The following ASIC2 variants were observed in gnomAD, a reference collection of about 807,000 sequenced individuals.
ASIC2 encodes the protein acid-sensing ion channel 2.
Under a neutral mutation model 57.3 loss-of-function variants are expected in ASIC2, and 25 were observed. The observed-to-expected ratio is 0.44, with a 90% CI of 0.32 to 0.61. The LOEUF (loss-of-function observed/expected upper bound fraction) is 0.61. Among genes scored for constraint, ASIC2 ranks in the 20% least tolerant of loss-of-function variants. The pLI, the probability that ASIC2 is intolerant of heterozygous loss-of-function variation, is 0.06. For synonymous variants in ASIC2, 319 were observed against 307.5 expected (o/e 1.04, Z -0.39); for missense variants, 641 against 738.1 (o/e 0.87, Z 1.52).
At chr17:33,546,535 T>C (rs886726484) in intron 1 of ASIC2, among the ~76,000 whole-genome samples, 1 of 152,194 alleles carries the variant, frequency 6.6e-6, no homozygotes, top group African/African-American at 2.4e-5. Flanking sequence ...ACTTTCTACC[T>C]ATGCGACCTT....
intron 1 of ASIC2, among the ~76,000 whole-genome samples, chr17:33,796,042 A>G (rs1380612972): frequency 6.6e-6 from 1 of 152,184 alleles, no homozygotes; most frequent in Non-Finnish European, 1.5e-5. Flanking sequence ...TTTACTGTAA[A>G]TCTCCATGAC....
At chr17:33,720,105 C>T (rs1048710740) in intron 1 of ASIC2, among the ~76,000 whole-genome samples, 3 of 152,134 alleles carry the variant, frequency 2.0e-5, no homozygotes, top group African/African-American at 7.2e-5. Context: ...GTCTCAAACT[C>T]CTGGCCTCAA....
intron 1 of ASIC2, among the ~76,000 whole-genome samples, chr17:33,362,380 G>C (rs1052544391): frequency 1.3e-5 from 2 of 152,346 alleles, no homozygotes; most frequent in South Asian, 4.1e-4. Context: ...TGGTGACACT[G>C]TAATACAGTC....
At chr17:33,842,322 AAG>A (rs1913463553) in intron 1 of ASIC2, among the ~76,000 whole-genome samples, 1 of 152,152 alleles carries the variant, frequency 6.6e-6, no homozygotes, top group South Asian at 2.1e-4. Context: ...TCTCATAGAC[AAG>A]ACATGGGTCT....
At chr17:33,018,244 G>A (rs540555656) in intron 7 of ASIC2, among the ~76,000 whole-genome samples, 1 of 152,320 alleles carries the variant, frequency 6.6e-6, no homozygotes, top group African/African-American at 2.4e-5. Context: ...GGGGTTTATA[G>A]GCCCCCATTA....
chr17:33,297,349 G>A (rs1362635391), upstream of ASIC2, among the ~76,000 whole-genome samples: 1 of 152,126 alleles, frequency 6.6e-6, no homozygotes, highest in Admixed American at 6.6e-5. Flanking sequence ...TCTAGCTCCT[G>A]ATATTTCTGC....
chr17:33,837,566 A>G (rs1913310302), intron 1 of ASIC2, among the ~76,000 whole-genome samples: 1 of 152,174 alleles, frequency 6.6e-6, no homozygotes, highest in African/African-American at 2.4e-5. Flanking sequence ...AGTGCTTCTC[A>G]TATTACACTC....
intron 1 of ASIC2, among the ~76,000 whole-genome samples, chr17:33,961,255 G>A (rs996012561): frequency 2.4e-4 from 36 of 152,200 alleles, no homozygotes; most frequent in Non-Finnish European, 7.3e-5. Context: ...TGCAGCTATT[G>A]GCAGGGGCAG....
chr17:34,027,570 C>T (rs1160598225), intron 1 of ASIC2, among the ~76,000 whole-genome samples: 1 of 152,220 alleles, frequency 6.6e-6, no homozygotes, highest in Admixed American at 6.5e-5. Flanking sequence ...TAGTTGCATA[C>T]TATTTCAGTT....
chr17:33,882,573 A>G (rs976618218), intron 1 of ASIC2, among the ~76,000 whole-genome samples: 2 of 152,236 alleles, frequency 1.3e-5, no homozygotes, highest in African/African-American at 2.4e-5. Flanking sequence ...ACCATCTCAC[A>G]CCAGTTAGAA....
intron 1 of ASIC2, among the ~76,000 whole-genome samples, chr17:33,281,476 A>G (rs1405204373): frequency 6.6e-6 from 1 of 152,262 alleles, no homozygotes; most frequent in Non-Finnish European, 1.5e-5. Context: ...TATTTACACT[A>G]AACATTTATC....
At chr17:33,456,122 T>G (rs1912444660) in intron 1 of ASIC2, among the ~76,000 whole-genome samples, 1 of 152,180 alleles carries the variant, frequency 6.6e-6, no homozygotes, top group Admixed American at 6.5e-5. Context: ...ATGTTTTCCT[T>G]GAATTGATTT....
chr17:33,556,692 G>A (rs894143794), intron 1 of ASIC2, among the ~76,000 whole-genome samples: 1 of 152,158 alleles, frequency 6.6e-6, no homozygotes, highest in African/African-American at 2.4e-5. Flanking sequence ...TCATCTTTGA[G>A]GGAAGAACTT....
At chr17:33,804,199 ACATTAGGAATATATTTACC>A (rs1295655491) in intron 1 of ASIC2, among the ~76,000 whole-genome samples, 3 of 152,220 alleles carry the variant, frequency 2.0e-5, no homozygotes, top group Non-Finnish European at 4.4e-5. Context: ...GCTCTGCTTC[ACATTAGGAATATATTTACC>A]CATTTAATAA....
chr17:33,939,988 T>A (rs1413663122), intron 1 of ASIC2, among the ~76,000 whole-genome samples: 1 of 152,084 alleles, frequency 6.6e-6, no homozygotes, highest in Admixed American at 6.6e-5. Flanking sequence ...TGGATGTGAA[T>A]AATGGCAGGG....
chr17:33,018,844 G>T (rs1308089104), intron 7 of ASIC2, among the ~76,000 whole-genome samples: 6 of 152,056 alleles, frequency 3.9e-5, no homozygotes, highest in Non-Finnish European at 5.9e-5. Context: ...GGCACAGTTG[G>T]GGGTGGCAGG....
intron 1 of ASIC2, among the ~76,000 whole-genome samples, chr17:33,151,460 C>CTTG (rs56394009): frequency 0.67 from 101,181 of 151,746 alleles, 34,710 homozygotes; most frequent in African/African-American, 0.83. Context: ...AGAAAGTTCT[C>CTTG]TTGTGGTTTC....
chr17:34,075,829 T>C lies in ASIC2; in HGVS notation c.555+80149A>G, dbSNP rs1228957642. 4.7e-5 allele frequency among the ~76,000 whole-genome samples: 3 copies of C among 64,376 alleles called. No homozygotes were observed. The South Asian group carries it at 1.5e-3, about 33-fold the overall frequency. 42.2% of individuals were successfully genotyped at this position (64,376 alleles called of 152,430 possible). On this transcript the variant is annotated intron_variant, in intron 1 of 9. Coordinates refer to the ASIC2 transcript ENST00000359872. ...TCAAGTCTTTTTCTTTTTCCTTTTTTTTTTTTTTTTTTTTTTTTTGAGACA... is the reference window on the plus strand; with the variant it reads ...TCAAGTCTTTTTCTTTTTCCTTTTTCTTTTTTTTTTTTTTTTTTTGAGACA...
chr17:33,449,892 C>T (rs1334055485), intron 1 of ASIC2, among the ~76,000 whole-genome samples: 1 of 151,932 alleles, frequency 6.6e-6, no homozygotes, highest in East Asian at 1.9e-4. Flanking sequence ...CTCCTGCTTC[C>T]CAAGTAGATA....
Sources: gnomAD v4.1 joint callset for allele counts (sites outside exome capture counted in the v4.1 genomes callset) on GRCh38, gnomAD v4.1.1 for gene constraint, MANE v1.5 for transcripts, NCBI Gene and HGNC (gene_info 2026-07-23, HGNC 2026-07-21) for gene names.